Variants in FAT3 observed in about 807,000 individuals in gnomAD.
FAT3 encodes FAT atypical cadherin 3.
FAT3 carries 95 observed loss-of-function variants against 310.2 expected under a neutral mutation model. That is an observed-to-expected ratio of 0.31 (90% CI 0.26 to 0.36). The LOEUF (loss-of-function observed/expected upper bound fraction) is 0.36. Ranked by LOEUF, FAT3 falls within the 10% of genes least tolerant of loss-of-function variation. The pLI is 1.00. For synonymous variants in FAT3, 2,314 were observed against 2,192.9 expected (o/e 1.06, Z -1.54); for missense variants, 5,408 against 5,715.6 (o/e 0.95, Z 1.74).
intron 4 of FAT3, among the ~76,000 whole-genome samples, chr11:92,754,469 CA>C (rs1213718529): frequency 2.0e-5 from 3 of 149,100 alleles, no homozygotes; most frequent in Non-Finnish European, 4.5e-5. Flanking sequence ...ACTAAAAATA[CA>C]AAAAAAAATT....
chr11:92,408,557 A>G (rs1014466657), intron 2 of FAT3, among the ~76,000 whole-genome samples: 3 of 152,222 alleles, frequency 2.0e-5, no homozygotes, highest in Admixed American at 6.5e-5. Context: ...CACTTAAGGC[A>G]GGGCACAGAG....
At chr11:92,263,236 T>G (rs554094069) in intron 1 of FAT3, among the ~76,000 whole-genome samples, 48 of 152,150 alleles carry the variant, frequency 3.2e-4, no homozygotes, top group African/African-American at 1.1e-3. Context: ...CATTTTTTTT[T>G]TCTCGATTCA....
chr11:92,386,734 C>T (rs757800509), intron 2 of FAT3, among the ~76,000 whole-genome samples: 4 of 152,178 alleles, frequency 2.6e-5, no homozygotes, highest in Non-Finnish European at 5.9e-5. Flanking sequence ...GAGAGCTCCC[C>T]AGGGGCTGTT....
chr11:92,326,341 C>G (rs1276578725), intron 1 of FAT3, among the ~76,000 whole-genome samples: 1 of 152,194 alleles, frequency 6.6e-6, no homozygotes, highest in Admixed American at 6.5e-5. Flanking sequence ...TACAATATTG[C>G]AGACTTCAGC....
chr11:92,343,323 A>AT (rs34180558), intron 1 of FAT3, among the ~76,000 whole-genome samples: 9 of 151,574 alleles, frequency 5.9e-5, no homozygotes, highest in South Asian at 2.1e-4. Context: ...TTGGTTAGGG[A>AT]TTTTTTTTTC....
chr11:92,478,940 CTTTCTTTCTTTCTTTTCTTTTCT>C (rs889529608), intron 2 of FAT3, among the ~76,000 whole-genome samples: 14 of 81,488 alleles, frequency 1.7e-4, no homozygotes, highest in African/African-American at 4.6e-4. Flanking sequence ...CCTTCTCTTT[CTTTCTTTCTTTCTTTTCTTTTCT>C]TTTCTTTTCT....
chr11:92,279,874 A>G (rs141862848), intron 1 of FAT3, among the ~76,000 whole-genome samples: 198 of 152,228 alleles, frequency 1.3e-3, no homozygotes, highest in African/African-American at 4.6e-3. Flanking sequence ...AAGATAACTG[A>G]GGTTCAGAAT....
intron 1 of FAT3, among the ~76,000 whole-genome samples, chr11:92,246,587 T>C (rs1864919857): frequency 6.6e-6 from 1 of 152,046 alleles, no homozygotes; most frequent in Non-Finnish European, 1.5e-5. Flanking sequence ...TGAGAGACTT[T>C]CCAACTGATT....
chr11:92,589,892 C>G (rs545745391), intron 3 of FAT3, among the ~76,000 whole-genome samples: 77 of 152,226 alleles, frequency 5.1e-4, no homozygotes, highest in African/African-American at 1.8e-3. Context: ...ACACAGAACA[C>G]TAGGCTGCTA....
Position 92,847,918 on chromosome 11 carries a change from AACACAC to A in FAT3, c.11365+3204_11365+3209del, listed in dbSNP as rs112590185. Among the ~76,000 whole-genome samples the A allele has an allele frequency of 1.6e-4, 24 of 148,940 alleles. No individual in the cohort carries two copies. In the East Asian group the frequency reaches 3.5e-3, roughly 22 times the overall value. Reference sequence around the variant, plus strand: ...AATTCAATAAATGCCCCTCCCCCCAAACACACACACACACACACACACAGACGTGCA... The same window carrying A: ...AATTCAATAAATGCCCCTCCCCCCAAACACACACACACACACAGACGTGCA... On this transcript the variant is annotated intron_variant, in intron 19 of 27. Transcript: ENST00000525166.
At chr11:92,859,522 C>T (rs1949069489) in intron 21 of FAT3, among the ~76,000 whole-genome samples, 200 bp downstream of exon 21, 1 of 152,190 alleles carries the variant, frequency 6.6e-6, no homozygotes, top group African/African-American at 2.4e-5. Context: ...TCAAAATTGG[C>T]TCTTGGTACA....
intron 4 of FAT3, among the ~76,000 whole-genome samples, chr11:92,730,032 A>G (rs930162794): frequency 2.6e-5 from 4 of 152,098 alleles, no homozygotes; most frequent in African/African-American, 4.8e-5. Flanking sequence ...CATACATAAC[A>G]TATATAAAAA....
chr11:92,551,054 T>G (rs1223771330), intron 3 of FAT3, among the ~76,000 whole-genome samples: 1 of 151,928 alleles, frequency 6.6e-6, no homozygotes, highest in Admixed American at 6.6e-5. Context: ...TGAGGCTGAG[T>G]CTCAGACAGA....
intron 2 of FAT3, among the ~76,000 whole-genome samples, chr11:92,447,258 C>G (rs1256079889): frequency 7.7e-6 from 1 of 130,198 alleles, no homozygotes; most frequent in African/African-American, 3.4e-5. Context: ...TGTGTGTGTA[C>G]AGTGGTTTCA....
At position 92,883,286 on chromosome 11, in the gene FAT3, G is replaced by A. The variant is rs760482298; in HGVS notation, c.12830G>A (p.Arg4277Gln). ...GAGTCGCCCCGCATCCTGACAGCCCGGCGGGGCGTGGTCGTGTGCAGTGTG... is the reference window on the plus strand; with the variant it reads ...GAGTCGCCCCGCATCCTGACAGCCCAGCGGGGCGTGGTCGTGTGCAGTGTG... ...HPESPRILTA[R>Q]RGVVVCSVAP... The change falls in exon 24 of 28, where the codon CGG (arginine) becomes CAG (glutamine). Residue 4277 changes from arginine to glutamine, a missense_variant. Physicochemically the swap from Arg to Gln is conservative, Grantham distance 43. This residue lies in a region of FAT3 where 649 missense variants were observed against 666.2 expected (regional missense o/e 0.97). Coordinates refer to ENST00000525166, the MANE Select transcript of FAT3 (RefSeq NM_001367949.2). The surrounding 1 kb of genome is among the most constrained non-coding windows in gnomAD (Gnocchi z 4.2). 4.3e-6 allele frequency: 7 copies of A among 1,612,726 alleles called. No individual in the cohort carries two copies. The highest frequency in any genetic ancestry group is 1.7e-5 in the Admixed American group (1 of 60,022).
intron 1 of FAT3, among the ~76,000 whole-genome samples, chr11:92,246,830 C>A (rs1047561581): frequency 6.6e-6 from 1 of 151,954 alleles, no homozygotes; most frequent in African/African-American, 2.4e-5. Context: ...CTACAGAAAA[C>A]AAAACATAGA....
Position 92,355,098 on chromosome 11 carries a change from A to G in FAT3, c.2986A>G (p.Lys996Glu). The G allele has an allele frequency of 6.2e-7, 1 of 1,613,818 alleles. No individual in the cohort carries two copies. The highest frequency in any genetic ancestry group is 8.5e-7 in the Non-Finnish European group (1 of 1,179,866). ...AGCAAGTGGTGCCATCCGCTTGAGC[A>G]AAGAGCTTGATTATGAGAAACAGCA... The part of the protein sequence containing the change: ...DKASGAIRLS[K>E]ELDYEKQQFY... Residue 996 changes from lysine (K) to glutamate (E), a missense_variant, in exon 2 of 28, where the codon AAA becomes GAA. Coordinates refer to ENST00000525166, the MANE Select transcript of FAT3 (RefSeq NM_001367949.2).
chr11:92,278,936 G>A (rs1473580877), intron 1 of FAT3, among the ~76,000 whole-genome samples: 1 of 152,034 alleles, frequency 6.6e-6, no homozygotes, highest in East Asian at 1.9e-4. Context: ...CAGCATGAGT[G>A]GCTTCTCCTC....
At chr11:92,755,380 G>T (rs1945962699) in intron 4 of FAT3, among the ~76,000 whole-genome samples, 1 of 151,926 alleles carries the variant, frequency 6.6e-6, no homozygotes, top group Non-Finnish European at 1.5e-5. Context: ...GCACCACCAT[G>T]CCCAGCTAAT....
Sources: gnomAD v4.1 joint callset for allele counts (sites outside exome capture counted in the v4.1 genomes callset) on GRCh38, gnomAD v4.1.1 for gene constraint, gnomAD v4.1.1 regional missense constraint, Gnocchi (gnomAD v3.1) non-coding constraint, MANE v1.5 for transcripts, NCBI Gene and HGNC (gene_info 2026-07-23, HGNC 2026-07-21) for gene names.